SLC1A5: variants seen among roughly 807,000 people sequenced by gnomAD.
The protein encoded by SLC1A5 is solute carrier family 1 member 5.
In SLC1A5, 25 loss-of-function variants were observed where a neutral mutation model predicts 34.9. The observed-to-expected ratio is 0.72, with a 90% CI of 0.52 to 1.00. SLC1A5 has a LOEUF of 1.00. SLC1A5 is among the 50% of genes least tolerant of loss of function. The pLI is 0.00. For synonymous variants in SLC1A5, 351 were observed against 341.2 expected (o/e 1.03, Z -0.32); for missense variants, 637 against 740.0 (o/e 0.86, Z 1.61).
Position 46,788,155 on chromosome 19 carries a change from T to G in SLC1A5, c.-190A>C. On this transcript the variant is annotated 5_prime_UTR_variant, in exon 1 of 8. Transcript: ENST00000542575. ...GCTCTTGGAAGCTGGAGTGTTTAAA[T>G]TCCCCAGGCTGGGCGCTGAGGCTTC... 11 of 568,402 alleles carry G rather than the reference T, an allele frequency of 1.9e-5. No homozygotes were observed. The highest frequency in any genetic ancestry group is 3.3e-5 in the East Asian group (1 of 30,158). 35.2% of individuals were successfully genotyped at this position (568,402 alleles called of 1,614,324 possible). A position where few individuals can be genotyped will look rare whatever the true frequency, so the allele number is the denominator to read the frequency against.
chr19:46,784,912 G>A, intron 1 of SLC1A5: 2 of 1,253,814 alleles, frequency 1.6e-6, no homozygotes, highest in Non-Finnish European at 2.0e-6. Context: ...GCTTGCATCA[G>A]CCACTTCCTC....
intron 1 of SLC1A5, among the ~76,000 whole-genome samples, chr19:46,785,166 G>A (rs996831070): frequency 6.6e-6 from 1 of 152,180 alleles, no homozygotes; most frequent in African/African-American, 2.4e-5. Context: ...CAGATCGCTT[G>A]AGCCAGGAGT....
chr19:46,787,382 G>A lies in SLC1A5; in HGVS notation c.566+18C>T, dbSNP rs1056690672. The A allele has an allele frequency of 7.0e-6, 11 of 1,579,728 alleles. No individual in the cohort carries two copies. In the African/African-American group the frequency reaches 1.4e-4, roughly 19 times the overall value. On this transcript the variant is annotated intron_variant, in intron 1 of 7. Coordinates refer to ENST00000542575, the MANE Select transcript of SLC1A5 (RefSeq NM_005628.3). The surrounding 1 kb of genome is among the most constrained non-coding windows in gnomAD (Gnocchi z 5.2). ...TCCGTAACACTCTTCCCCACCTCCC[G>A]GGGGAGCGGGAGCTGACCTCGCAAG...
chr19:46,778,646 TC>T, intron 5 of SLC1A5, 28 bp downstream of exon 5: 1 of 1,235,838 alleles, frequency 8.1e-7, no homozygotes, highest in Non-Finnish European at 1.2e-6. Context: ...GGATTAAACA[TC>T]CCACCCTAGC....
chr19:46,777,359 C>T lies in SLC1A5; in HGVS notation c.1105G>A (p.Gly369Ser), dbSNP rs769571079. ...AAACGGCTGATGTGCTTGGCCACGC[C>T]ATTATTCTCCTCCACGCACTTCATC... Reference protein sequence around the residue: ...LMMKCVEENNGVAKHISRFIL... With the variant: ...LMMKCVEENNSVAKHISRFIL... Residue 369 changes from glycine to serine, a missense_variant, in exon 6 of 8, where the codon GGC (glycine) becomes AGC (serine). By Grantham distance (56) the Gly-to-Ser change is moderately conservative (BLOSUM62 0). Transcript: ENST00000542575. 4 of 1,613,576 alleles carry T rather than the reference C, an allele frequency of 2.5e-6. No homozygotes were observed. In the East Asian group the frequency reaches 8.9e-5, roughly 36 times the overall value.
rs200549311 is a variant in SLC1A5 at position 46,782,580 on chromosome 19, G to C, written c.658-31C>G. Reference sequence around the variant, plus strand: ...GGCAAGGAACAGATCGGGGTGGAAAGGACACTCAGTCTACCTGCACAGTCA... The same window carrying C: ...GGCAAGGAACAGATCGGGGTGGAAACGACACTCAGTCTACCTGCACAGTCA... On this transcript the variant is annotated intron_variant, in intron 3 of 7. Coordinates refer to ENST00000542575, the MANE Select transcript of SLC1A5 (RefSeq NM_005628.3). The C allele has an allele frequency of 2.1e-5, 34 of 1,612,376 alleles. No homozygotes were observed. The African/African-American group carries it at 4.0e-4, about 19-fold the overall frequency.
rs764434057 is a variant in SLC1A5 at position 46,777,320 on chromosome 19, C to T, written c.1144G>A (p.Gly382Ser). 65 of 1,613,672 alleles carry T rather than the reference C, an allele frequency of 4.0e-5. No individual in the cohort carries two copies. The East Asian group carries it at 1.3e-3, about 33-fold the overall frequency. Residue 382 changes from glycine to serine, a missense_variant, in exon 6 of 8, where the codon GGC becomes AGC. Coordinates refer to ENST00000542575, the MANE Select transcript of SLC1A5 (RefSeq NM_005628.3). The part of the protein sequence containing the change: ...KHISRFILPI[G>S]ATVNMDGAAL... ...GCACCGTCCATGTTGACGGTGGCGC[C>T]GATGGGCAGGATGAAACGGCTGATG...
rs144030682 is a variant in SLC1A5, at chr19:46,777,077, G to T, written c.1286C>A (p.Ala429Glu). ...VTATASSVGA[A>E]GIPAGGVLTL... is the part of the protein sequence containing the mutation. ...GAGGACACCTCCAGCAGGGATGCCC[G>T]CTGCCCCCACGCTGGACGCTGTGGC... Residue 429 changes from alanine (A) to glutamate (E), a missense_variant, in exon 7 of 8, where the codon GCG (alanine) becomes GAG (glutamate). Coordinates refer to ENST00000542575, the MANE Select transcript of SLC1A5 (RefSeq NM_005628.3). 4 of 1,613,826 alleles carry T rather than the reference G, an allele frequency of 2.5e-6. No homozygotes were observed. In the African/African-American group the frequency reaches 5.3e-5, roughly 22 times the overall value.
intron 4 of SLC1A5, among the ~76,000 whole-genome samples, chr19:46,780,797 C>A (rs553115732): frequency 4.2e-4 from 64 of 151,918 alleles, no homozygotes; most frequent in Non-Finnish European, 7.1e-4. Context: ...ATGGCAAAAC[C>A]CTGTCTCTAC....
In SLC1A5 at chr19:46,782,419, T is replaced by A. The variant is rs775276725; in HGVS notation, c.788A>T (p.Asn263Ile). The A allele has an allele frequency of 7.0e-7, 1 of 1,432,298 alleles. No homozygotes were observed. 88.7% of individuals were successfully genotyped at this position (1,432,298 alleles called of 1,614,324 possible). ...GGAGACCAGAACCATGGTGGCCTCA[T>A]TGAAGGAGTTGAAGAAGCGGATAAG... ...ELLIRFFNSF[N>I]EATMVLVSWI... The change falls in exon 4 of 8, where the codon AAT becomes ATT. Residue 263 changes from asparagine to isoleucine, a missense_variant. Transcript: ENST00000542575.
rs529916684 is a variant in SLC1A5, at chr19:46,787,328, C to G, written c.566+72G>C. On this transcript the variant is annotated intron_variant, in intron 1 of 7. Coordinates refer to ENST00000542575, the MANE Select transcript of SLC1A5 (RefSeq NM_005628.3). The surrounding 1 kb of genome is among the most constrained non-coding windows in gnomAD (Gnocchi z 5.2). Reference sequence around the variant, plus strand: ...TCTCTGCTCCAGGGGCCCCAAAGCCCCGTCCTGTCCACGTGACCACTCCCG... The same window carrying G: ...TCTCTGCTCCAGGGGCCCCAAAGCCGCGTCCTGTCCACGTGACCACTCCCG... 6.5e-6 allele frequency: 10 copies of G among 1,541,604 alleles called. No individual in the cohort carries two copies. Among genetic ancestry groups the G allele is most frequent in the Non-Finnish European group, 7.9e-6 (9 of 1,142,664 alleles).
chr19:46,782,346 A>ACCACCCCCCCCCCCCCCCCCCC, intron 4 of SLC1A5, 37 bp downstream of exon 4: 1 of 567,986 alleles, frequency 1.8e-6, no homozygotes, highest in East Asian at 3.6e-5. Context: ...CGACCCTCCA[A>ACCACCCCCCCCCCCCCCCCCCC]CCCCACCCAC....
At chr19:46,782,348 C>CCCCCCCCCCCCCCCCCCCACAACCCCCCA in intron 4 of SLC1A5, 35 bp downstream of exon 4, 1 of 551,998 alleles carries the variant, frequency 1.8e-6, no homozygotes. Flanking sequence ...ACCCTCCAAC[C>CCCCCCCCCCCCCCCCCCCACAACCCCCCA]CCACCCACCC....
rs189134133 is a variant in SLC1A5 at position 46,788,396 on chromosome 19, G to A, written c.-431C>T. The A allele has an allele frequency of 1.0e-3, 172 of 167,254 alleles. No individual in the cohort carries two copies. The highest frequency in any genetic ancestry group is 3.7e-3 in the African/African-American group (154 of 42,060). The allele number at this position is 167,254 out of a possible 1,614,324, so 10.4% of individuals were successfully genotyped here. A position where few individuals can be genotyped will look rare whatever the true frequency, so the allele number is the denominator to read the frequency against. On this transcript the variant is annotated 5_prime_UTR_variant, in exon 1 of 8. Coordinates refer to ENST00000542575, the MANE Select transcript of SLC1A5 (RefSeq NM_005628.3). ...CCTGGATCCGGGAGGCGGGGACCCG[G>A]GCTGCCTGGGTCTTGGACACTGAGG...
At chr19:46,786,154 GTGGC>G (rs2055184608) in intron 1 of SLC1A5, among the ~76,000 whole-genome samples, 1 of 152,064 alleles carries the variant, frequency 6.6e-6, no homozygotes, top group African/African-American at 2.4e-5. Context: ...AGATGTTGGC[GTGGC>G]TGGTGGCATC....
chr19:46,781,954 C>A (rs887704645), intron 4 of SLC1A5, among the ~76,000 whole-genome samples: 1 of 152,186 alleles, frequency 6.6e-6, no homozygotes, highest in Non-Finnish European at 1.5e-5. Flanking sequence ...CAGGCAGTGG[C>A]ATGATCTCCG....
rs1176206336 is a variant in SLC1A5 at position 46,787,579 on chromosome 19, G to C, written c.387C>G (p.Ala129=). 1.3e-6 allele frequency: 2 copies of C among 1,565,378 alleles called. No individual in the cohort carries two copies. ...TGACCAGGAAAAAGAGCAGCGCCCA[G>C]GCGCCCAGACGGCCGAGCGCGCCGG... ...LDPGALGRLG[A]WALLFFLVTT... is the part of the protein sequence containing the mutation. The change falls in exon 1 of 8, where the codon GCC becomes GCG. Residue 129 remains alanine (A), a synonymous_variant. Coordinates refer to ENST00000542575, the MANE Select transcript of SLC1A5 (RefSeq NM_005628.3). The surrounding 1 kb of genome is among the most constrained non-coding windows in gnomAD (Gnocchi z 5.2).
intron 1 of SLC1A5, chr19:46,784,906 G>C (rs1475237437): frequency 2.8e-5 from 36 of 1,263,664 alleles, no homozygotes; most frequent in Non-Finnish European, 3.5e-5. Context: ...TGGACAGCTT[G>C]CATCAGCCAC....
rs139657571 is a variant in SLC1A5, at chr19:46,775,514, A to G, written c.1622T>C (p.Met541Thr). 2.6e-4 allele frequency: 425 copies of G among 1,608,302 alleles called. 2 individuals are homozygous for G. The Middle Eastern group carries it at 7.5e-3, about 28-fold the overall frequency. Reference sequence around the variant, plus strand: ...AGGGAAGGTCCCTCCCGGGGTTTACATGACTGATTCCTTCTCAGAGGCGAC... The same window carrying G: ...AGGGAAGGTCCCTCCCGGGGTTTACGTGACTGATTCCTTCTCAGAGGCGAC... ...ATVASEKESVM is the reference protein window; with the variant it reads ...ATVASEKESVT The change falls in exon 8 of 8, where the codon ATG becomes ACG. Residue 541 changes from methionine to threonine, a missense_variant. Transcript: ENST00000542575.
Sources: allele counts gnomAD v4.1 joint callset (sites outside exome capture counted in the v4.1 genomes callset), GRCh38; gene constraint gnomAD v4.1.1; non-coding constraint Gnocchi (gnomAD v3.1); transcripts MANE v1.5; gene names NCBI Gene and HGNC (gene_info 2026-07-23, HGNC 2026-07-21).